Variants in KCTD16 observed in about 807,000 individuals in gnomAD.
KCTD16 encodes BTB/POZ domain-containing protein KCTD16.
A neutral mutation model predicts 33.2 loss-of-function variants in KCTD16; 13 were observed. That is an observed-to-expected ratio of 0.39 (90% CI 0.25 to 0.62). KCTD16 has a LOEUF of 0.62. KCTD16 is among the 20% of genes least tolerant of loss of function. The pLI is 0.50. For missense variants in KCTD16, 441 were observed against 525.1 expected (o/e 0.84, Z 1.57); for synonymous variants, 197 against 195.3 (o/e 1.01, Z -0.07).
At chr5:144,465,282 G>C (rs987263735) in intron 3 of KCTD16, among the ~76,000 whole-genome samples, 28 of 146,916 alleles carry the variant, frequency 1.9e-4, no homozygotes, top group African/African-American at 7.1e-4. Flanking sequence ...TTTCTTCGAA[G>C]TACCCTGTCC....
chr5:144,349,941 C>T (rs1210751349), intron 3 of KCTD16, among the ~76,000 whole-genome samples: 1 of 152,190 alleles, frequency 6.6e-6, no homozygotes, highest in Non-Finnish European at 1.5e-5. Flanking sequence ...TCCTGTAGCG[C>T]AGGCAGCTTT....
rs73795539 is a variant in KCTD16 at position 144,405,323 on chromosome 5, A to G, written c.833-68337A>G. On this transcript the variant is annotated intron_variant, in intron 3 of 3. Transcript: ENST00000512467. Reference sequence around the variant, plus strand: ...GTTTAAGCATGGTTTCCTACAAACCATATTTTGCTGGAGATTGGATTGAAT... The same window carrying G: ...GTTTAAGCATGGTTTCCTACAAACCGTATTTTGCTGGAGATTGGATTGAAT... 1.5e-3 allele frequency among the ~76,000 whole-genome samples: 234 copies of G among 152,334 alleles called. 1 individual carries two copies. The highest frequency in any genetic ancestry group is 5.3e-3 in the African/African-American group (219 of 41,564).
chr5:144,242,178 C>T, intron 3 of KCTD16, among the ~76,000 whole-genome samples: 1 of 151,600 alleles, frequency 6.6e-6, no homozygotes, highest in East Asian at 1.9e-4. Flanking sequence ...TAAAGCAAGA[C>T]ACATTGTTTG....
chr5:144,266,809 TACTGTGCTC>T, intron 3 of KCTD16, among the ~76,000 whole-genome samples: 1 of 152,268 alleles, frequency 6.6e-6, no homozygotes, highest in Non-Finnish European at 1.5e-5. Flanking sequence ...AGCAGTTGGA[TACTGTGCTC>T]ATCTCTGGGA....
chr5:144,378,910 C>G (rs954867378), intron 3 of KCTD16, among the ~76,000 whole-genome samples: 3 of 152,088 alleles, frequency 2.0e-5, no homozygotes, highest in South Asian at 4.1e-4. Context: ...TGCTAACATT[C>G]GTCATAGGAG....
At chr5:144,184,765 T>G (rs1252691708) in intron 2 of KCTD16, among the ~76,000 whole-genome samples, 1 of 152,200 alleles carries the variant, frequency 6.6e-6, no homozygotes, top group Non-Finnish European at 1.5e-5. Context: ...CCCTGATGAT[T>G]AGTGATGTTG....
intron 3 of KCTD16, among the ~76,000 whole-genome samples, chr5:144,209,078 A>G (rs137910554): frequency 0.013 from 2,055 of 152,300 alleles, 28 homozygotes; most frequent in South Asian, 0.051. Flanking sequence ...GGAGAAGTAC[A>G]TCTTAAAGAT....
At chr5:144,364,187 G>A (rs1389542258) in intron 3 of KCTD16, among the ~76,000 whole-genome samples, 1 of 152,122 alleles carries the variant, frequency 6.6e-6, no homozygotes, top group African/African-American at 2.4e-5. Context: ...TTGAATCCAG[G>A]CATTTTGCAT....
chr5:144,175,653 A>C (rs939699418), intron 2 of KCTD16, among the ~76,000 whole-genome samples: 1 of 152,196 alleles, frequency 6.6e-6, no homozygotes, highest in Admixed American at 6.5e-5. Flanking sequence ...ATGGATTTAC[A>C]TTCTGTACTA....
At chr5:144,448,130 C>T (rs899165055) in intron 3 of KCTD16, among the ~76,000 whole-genome samples, 6 of 150,998 alleles carry the variant, frequency 4.0e-5, no homozygotes. Context: ...CCAAAATTCA[C>T]TATCCCATTG....
At chr5:144,222,843 G>T (rs1005954491) in intron 3 of KCTD16, among the ~76,000 whole-genome samples, 2 of 152,146 alleles carry the variant, frequency 1.3e-5, no homozygotes, top group African/African-American at 4.8e-5. Context: ...ACATGCACAC[G>T]TATGTTTACT....
At chr5:144,438,669 C>T (rs1753633320) in intron 3 of KCTD16, among the ~76,000 whole-genome samples, 1 of 152,206 alleles carries the variant, frequency 6.6e-6, no homozygotes, top group Non-Finnish European at 1.5e-5. Flanking sequence ...TCCAGCTCTC[C>T]TTAGAGCACA....
In KCTD16 at chr5:144,474,254, C is replaced by G. The variant is rs1241880830; in HGVS notation, c.*140C>G. 20 of 642,842 alleles carry G rather than the reference C, an allele frequency of 3.1e-5. No homozygotes were observed. Among genetic ancestry groups the G allele is most frequent in the Non-Finnish European group, 5.0e-5 (19 of 378,598 alleles). The allele number at this position is 642,842 out of a possible 1,614,324, so 39.8% of individuals were successfully genotyped here. A position where few individuals can be genotyped will look rare whatever the true frequency, so the allele number is the denominator to read the frequency against. On this transcript the variant is annotated 3_prime_UTR_variant, in exon 4 of 4. Coordinates refer to ENST00000512467, the MANE Select transcript of KCTD16 (RefSeq NM_020768.4). ...ACAATAGTCCATTGATATACTACTG[C>G]CTACTTTACCTAGTTCACCTTAACA...
At chr5:144,337,821 A>G (rs1296969097) in intron 3 of KCTD16, among the ~76,000 whole-genome samples, 1 of 152,178 alleles carries the variant, frequency 6.6e-6, no homozygotes, top group East Asian at 1.9e-4. Flanking sequence ...AGAGTGGGTG[A>G]GAACAAGACC....
chr5:144,367,598 C>T (rs893690080), intron 3 of KCTD16, among the ~76,000 whole-genome samples: 20 of 152,036 alleles, frequency 1.3e-4, no homozygotes, highest in Admixed American at 9.2e-4. Flanking sequence ...ACTTATAGCT[C>T]CACTATTTCT....
intron 3 of KCTD16, among the ~76,000 whole-genome samples, chr5:144,335,927 TC>T (rs1465247831): frequency 6.6e-6 from 1 of 152,096 alleles, no homozygotes; most frequent in Admixed American, 6.6e-5. Flanking sequence ...AACCTGAAAT[TC>T]CCTCATTAAG....
At chr5:144,263,158 G>C (rs2126840734) in intron 3 of KCTD16, among the ~76,000 whole-genome samples, 2 of 152,312 alleles carry the variant, frequency 1.3e-5, no homozygotes, top group South Asian at 4.1e-4. Flanking sequence ...CAGAAGAATT[G>C]TAAACATTCT....
intron 3 of KCTD16, among the ~76,000 whole-genome samples, chr5:144,435,670 A>G (rs536603432): frequency 5.3e-5 from 8 of 152,274 alleles, no homozygotes; most frequent in African/African-American, 1.7e-4. Flanking sequence ...AATATTGCCA[A>G]TTGTCTTTCA....
chr5:144,211,794 G>C (rs776227949), intron 3 of KCTD16, among the ~76,000 whole-genome samples: 3 of 152,056 alleles, frequency 2.0e-5, no homozygotes, highest in Non-Finnish European at 2.9e-5. Context: ...AAAATCATAA[G>C]GTATGTGATG....
Sources: allele counts gnomAD v4.1 joint callset (sites outside exome capture counted in the v4.1 genomes callset), GRCh38; gene constraint gnomAD v4.1.1; transcripts MANE v1.5; gene names NCBI Gene and HGNC (gene_info 2026-07-23, HGNC 2026-07-21).